The following CDH13 variants were observed in gnomAD, a reference collection of about 807,000 sequenced individuals.
CDH13 encodes cadherin-13.
A neutral mutation model predicts 63.8 loss-of-function variants in CDH13; 24 were observed. The observed-to-expected ratio is 0.38, with a 90% CI of 0.27 to 0.53. The LOEUF (loss-of-function observed/expected upper bound fraction) is 0.53. Among genes scored for constraint, CDH13 ranks in the 20% least tolerant of loss-of-function variants. The pLI is 0.85. For missense variants in CDH13, 1,049 were observed against 903.1 expected (o/e 1.16, Z -2.07); for synonymous variants, 503 against 355.3 (o/e 1.42, Z -4.67).
chr16:83,331,547 C>A (rs142680100), intron 5 of CDH13, among the ~76,000 whole-genome samples: 1 of 152,278 alleles, frequency 6.6e-6, no homozygotes, highest in African/African-American at 2.4e-5. Flanking sequence ...AAGTTACAAT[C>A]TTAAAATAAA....
chr16:82,875,419 A>T (rs1459172927), intron 2 of CDH13, among the ~76,000 whole-genome samples: 2 of 152,370 alleles, frequency 1.3e-5, no homozygotes, highest in South Asian at 2.1e-4. Flanking sequence ...AGGAAGTTGC[A>T]TAGTCACAGG....
chr16:82,845,047 G>A (rs2039201014), intron 1 of CDH13, among the ~76,000 whole-genome samples: 1 of 152,148 alleles, frequency 6.6e-6, no homozygotes. Flanking sequence ...TGAAATCAGA[G>A]CCTGAGAGGA....
At chr16:83,527,429 A>G (rs540793416) in intron 7 of CDH13, among the ~76,000 whole-genome samples, 12 of 151,932 alleles carry the variant, frequency 7.9e-5, no homozygotes, top group African/African-American at 2.7e-4. Context: ...AGCCTGGGCG[A>G]CAAAGCGAGA....
At chr16:83,722,449 G>C (rs76344581) in intron 10 of CDH13, among the ~76,000 whole-genome samples, 1,544 of 152,288 alleles carry the variant, frequency 0.01, 72 homozygotes, top group Admixed American at 0.076. Flanking sequence ...TGTGCATTCA[G>C]TGACATCGTG....
chr16:83,166,063 A>G (rs2037652598), intron 4 of CDH13, among the ~76,000 whole-genome samples: 1 of 152,178 alleles, frequency 6.6e-6, no homozygotes, highest in Non-Finnish European at 1.5e-5. Context: ...TTCCTCAGTC[A>G]GAAAGCATTT....
chr16:83,431,337 G>A (rs1469090770), intron 6 of CDH13, among the ~76,000 whole-genome samples: 5 of 151,884 alleles, frequency 3.3e-5, no homozygotes, highest in Admixed American at 6.6e-5. Flanking sequence ...GACAACCATA[G>A]GTTAGAGTTC....
At chr16:83,385,704 A>G (rs2091659989) in intron 6 of CDH13, among the ~76,000 whole-genome samples, 1 of 152,122 alleles carries the variant, frequency 6.6e-6, no homozygotes, top group African/African-American at 2.4e-5. Context: ...GACCAATACT[A>G]GTCATGTGGC....
chr16:82,744,914 C>A (rs964695035), intron 1 of CDH13, among the ~76,000 whole-genome samples: 1 of 152,188 alleles, frequency 6.6e-6, no homozygotes, highest in South Asian at 2.1e-4. Flanking sequence ...CCTGTGGCCA[C>A]CATACAGGGC....
At chr16:83,471,624 C>T (rs1290387519) in intron 6 of CDH13, among the ~76,000 whole-genome samples, 3 of 152,200 alleles carry the variant, frequency 2.0e-5, no homozygotes, top group African/African-American at 4.8e-5. Flanking sequence ...GCGACTTTTG[C>T]AGCTCAGAGA....
chr16:82,860,237 T>C (rs1335512852), intron 2 of CDH13, among the ~76,000 whole-genome samples: 1 of 152,138 alleles, frequency 6.6e-6, no homozygotes, highest in Non-Finnish European at 1.5e-5. Context: ...AAAGTAGACC[T>C]ATAAATGTGA....
intron 1 of CDH13, among the ~76,000 whole-genome samples, chr16:82,716,169 G>A (rs576470186): frequency 1.8e-4 from 27 of 152,284 alleles, no homozygotes; most frequent in Non-Finnish European, 2.8e-4. Context: ...TCAATCCCCC[G>A]AGGAGCCTGG....
At chr16:83,177,694 T>A (rs562675332) in intron 4 of CDH13, among the ~76,000 whole-genome samples, 3 of 152,322 alleles carry the variant, frequency 2.0e-5, no homozygotes, top group East Asian at 3.9e-4. Context: ...GACCCACGCC[T>A]GTTACTCAAA....
At chr16:82,766,133 C>T (rs528031033) in intron 1 of CDH13, among the ~76,000 whole-genome samples, 1 of 152,212 alleles carries the variant, frequency 6.6e-6, no homozygotes, top group Non-Finnish European at 1.5e-5. Context: ...AGAAGCCCAA[C>T]ATGAAAATCA....
chr16:83,197,273 A>G (rs759996397), intron 4 of CDH13, among the ~76,000 whole-genome samples: 5 of 110,130 alleles, frequency 4.5e-5, no homozygotes, highest in Admixed American at 1.8e-4. Context: ...TATCATAGGT[A>G]TATATATATA....
intron 2 of CDH13, among the ~76,000 whole-genome samples, chr16:82,924,393 C>G (rs889763404): frequency 6.6e-6 from 1 of 152,076 alleles, no homozygotes; most frequent in African/African-American, 2.4e-5. Context: ...TAGGATGAAA[C>G]CCATCTAGTA....
At chr16:83,725,631 C>T (rs891283978) in intron 10 of CDH13, 7 of 152,340 alleles carry the variant, frequency 4.6e-5, no homozygotes, top group African/African-American at 1.7e-4. Flanking sequence ...ATTGTCAGAA[C>T]GTTAAACAAC....
At chr16:83,438,037 A>G (rs988647317) in intron 6 of CDH13, among the ~76,000 whole-genome samples, 1 of 151,218 alleles carries the variant, frequency 6.6e-6, no homozygotes, top group Non-Finnish European at 1.5e-5. Flanking sequence ...CGGTCTCCCT[A>G]CTCTCCCCTG....
intron 11 of CDH13, 148 bp downstream of exon 11, chr16:83,748,398 A>G (rs1398613527): frequency 2.9e-6 from 2 of 685,134 alleles, no homozygotes; most frequent in South Asian, 2.3e-5. Flanking sequence ...AAATATACAC[A>G]TGTTGAGTTC....
chr16:83,090,823 C>G (rs1397026837), intron 3 of CDH13, among the ~76,000 whole-genome samples: 3 of 151,388 alleles, frequency 2.0e-5, no homozygotes, highest in Non-Finnish European at 4.4e-5. Flanking sequence ...CTAATAAAAA[C>G]AAATCCGGAA....
Sources: gnomAD v4.1 joint callset for allele counts (sites outside exome capture counted in the v4.1 genomes callset) on GRCh38, gnomAD v4.1.1 for gene constraint, MANE v1.5 for transcripts, NCBI Gene and HGNC (gene_info 2026-07-23, HGNC 2026-07-21) for gene names.